Variants in KCNIP4 observed in about 807,000 individuals in gnomAD.
The protein encoded by KCNIP4 is potassium voltage-gated channel interacting protein 4, also known as Kv channel-interacting protein 4.
In KCNIP4, 12 loss-of-function variants were observed where a neutral mutation model predicts 34.0. That is an observed-to-expected ratio of 0.35 (90% CI 0.23 to 0.57). The LOEUF is 0.57. Among genes scored for constraint, KCNIP4 ranks in the 20% least tolerant of loss-of-function variants. The pLI, the probability that KCNIP4 is intolerant of heterozygous loss-of-function variation, is 0.83. For synonymous variants in KCNIP4, 124 were observed against 102.2 expected (o/e 1.21, Z -1.29); for missense variants, 238 against 311.7 (o/e 0.76, Z 1.78).
intron 1 of KCNIP4, among the ~76,000 whole-genome samples, chr4:21,889,444 T>C (rs1198199811): frequency 6.6e-6 from 1 of 152,070 alleles, no homozygotes; most frequent in Non-Finnish European, 1.5e-5. Flanking sequence ...ATATTAAACC[T>C]GTACTATTAA....
At chr4:21,733,268 A>G (rs1715742098) in intron 1 of KCNIP4, among the ~76,000 whole-genome samples, 1 of 152,220 alleles carries the variant, frequency 6.6e-6, no homozygotes, top group Non-Finnish European at 1.5e-5. Flanking sequence ...CCTGATTGGG[A>G]CATGACTGAT....
At chr4:21,800,957 C>T (rs1354409425) in intron 1 of KCNIP4, among the ~76,000 whole-genome samples, 5 of 152,154 alleles carry the variant, frequency 3.3e-5, no homozygotes, top group African/African-American at 1.2e-4. Context: ...CTTCTTTAGT[C>T]AAACTGGGGC....
intron 1 of KCNIP4, among the ~76,000 whole-genome samples, chr4:21,431,785 C>T (rs192621009): frequency 2.6e-4 from 39 of 151,738 alleles, no homozygotes; most frequent in Admixed American, 1.1e-3. Context: ...TGAACTACCA[C>T]TGCCAGGACA....
At chr4:21,201,225 G>A (rs1756466274) in intron 1 of KCNIP4, among the ~76,000 whole-genome samples, 1 of 152,170 alleles carries the variant, frequency 6.6e-6, no homozygotes, top group Non-Finnish European at 1.5e-5. Context: ...AGCCCAATAT[G>A]CTTTAAACTG....
chr4:21,269,554 T>C (rs1421865851), intron 1 of KCNIP4, among the ~76,000 whole-genome samples: 1 of 151,944 alleles, frequency 6.6e-6, no homozygotes, highest in Non-Finnish European at 1.5e-5. Flanking sequence ...TACAGGTGCA[T>C]GCCACCATGC....
intron 1 of KCNIP4, among the ~76,000 whole-genome samples, chr4:21,684,866 T>G (rs184258996): frequency 6.6e-6 from 1 of 152,192 alleles, no homozygotes; most frequent in Non-Finnish European, 1.5e-5. Context: ...CCCCACCCTG[T>G]GTCCACTATG....
intron 1 of KCNIP4, among the ~76,000 whole-genome samples, chr4:21,055,412 T>G (rs1443861895): frequency 6.6e-6 from 1 of 152,188 alleles, no homozygotes; most frequent in Non-Finnish European, 1.5e-5. Context: ...GCAATTGTAC[T>G]CCTTGGTATT....
intron 1 of KCNIP4, among the ~76,000 whole-genome samples, chr4:21,460,146 C>T (rs1729328939): frequency 6.9e-6 from 1 of 145,672 alleles, no homozygotes; most frequent in Non-Finnish European, 1.5e-5. Context: ...ATTGCTCTTT[C>T]CTCCATTCAT....
chr4:21,796,328 C>G (rs145424854), intron 1 of KCNIP4, among the ~76,000 whole-genome samples: 1 of 152,140 alleles, frequency 6.6e-6, no homozygotes, highest in Non-Finnish European at 1.5e-5. Flanking sequence ...TTTCTCCCCT[C>G]CCTGTAAGTC....
chr4:21,199,597 C>T (rs922862078), intron 1 of KCNIP4, among the ~76,000 whole-genome samples: 1 of 152,150 alleles, frequency 6.6e-6, no homozygotes, highest in Non-Finnish European at 1.5e-5. Context: ...TCAATTTTGG[C>T]TTTTGTTGCC....
At chr4:21,554,180 G>C (rs150527982) in intron 1 of KCNIP4, among the ~76,000 whole-genome samples, 4 of 152,262 alleles carry the variant, frequency 2.6e-5, no homozygotes, top group East Asian at 1.9e-4. Context: ...GTGACTGAGA[G>C]AGTGAGACAT....
At chr4:21,057,478 C>T (rs147836417) in intron 1 of KCNIP4, among the ~76,000 whole-genome samples, 181 of 152,188 alleles carry the variant, frequency 1.2e-3, no homozygotes, top group African/African-American at 4.2e-3. Flanking sequence ...AAAGCTTTTA[C>T]ACCTTATTTG....
chr4:21,433,443 AAAAC>A (rs1447832578), intron 1 of KCNIP4, among the ~76,000 whole-genome samples: 2 of 152,184 alleles, frequency 1.3e-5, no homozygotes, highest in African/African-American at 2.4e-5. Context: ...TCTCTATTAA[AAAAC>A]AAACAAAGAA....
chr4:21,537,953 A>G (rs889372550), intron 1 of KCNIP4, among the ~76,000 whole-genome samples: 1 of 137,530 alleles, frequency 7.3e-6, no homozygotes, highest in African/African-American at 2.7e-5. Flanking sequence ...CGGAGGTTGA[A>G]GTAAGCCGAG....
At chr4:21,035,150 G>C (rs1741347584) in intron 1 of KCNIP4, among the ~76,000 whole-genome samples, 1 of 152,160 alleles carries the variant, frequency 6.6e-6, no homozygotes, top group Non-Finnish European at 1.5e-5. Context: ...AGAGCACCAA[G>C]CTTCATTTCT....
In KCNIP4 at chr4:20,957,852, T is replaced by C. The variant is rs980833363; in HGVS notation, c.62-75143A>G. ...TAAAAATAATGGTATAATTTGCATA[T>C]GTTATAGGAGATATCTTTGGCTCTT... On this transcript the variant is annotated intron_variant, in intron 1 of 8. Coordinates refer to ENST00000382152, the MANE Select transcript of KCNIP4 (RefSeq NM_025221.6). Among the ~76,000 whole-genome samples the C allele has an allele frequency of 3.9e-5, 6 of 152,326 alleles. No homozygotes were observed. The South Asian group carries it at 8.3e-4, about 21-fold the overall frequency.
At chr4:20,848,941 T>C (rs1206553790) in intron 3 of KCNIP4, among the ~76,000 whole-genome samples, 2 of 152,206 alleles carry the variant, frequency 1.3e-5, no homozygotes, top group African/African-American at 4.8e-5. Flanking sequence ...ATTGGTCTTT[T>C]ACACCTCCTT....
chr4:21,146,777 C>G lies in KCNIP4; in HGVS notation c.62-264068G>C, dbSNP rs886187438. ...AACACAGCTGAATATTTTGAACATA[C>G]CTTTATGTTCAAAATAAATTAGGAA... On this transcript the variant is annotated intron_variant, in intron 1 of 8. Transcript: ENST00000382152. 5.9e-5 allele frequency among the ~76,000 whole-genome samples: 9 copies of G among 152,074 alleles called. No individual in the cohort carries two copies. The East Asian group carries it at 1.5e-3, about 26-fold the overall frequency.
intron 1 of KCNIP4, among the ~76,000 whole-genome samples, chr4:21,286,508 T>C (rs777665260): frequency 2.0e-5 from 3 of 152,138 alleles, no homozygotes; most frequent in Non-Finnish European, 2.9e-5. Flanking sequence ...GAAAAGGGAA[T>C]CCTTCAGAGA....
Sources: gnomAD v4.1 joint callset for allele counts (sites outside exome capture counted in the v4.1 genomes callset) on GRCh38, gnomAD v4.1.1 for gene constraint, MANE v1.5 for transcripts, NCBI Gene and HGNC (gene_info 2026-07-23, HGNC 2026-07-21) for gene names.